The following PTPRD variants were observed in gnomAD, a reference collection of about 807,000 sequenced individuals.
PTPRD encodes the protein receptor-type tyrosine-protein phosphatase delta.
In PTPRD, 34 loss-of-function variants were observed where a neutral mutation model predicts 214.5. The observed-to-expected ratio is 0.16, with a 90% confidence interval of 0.12 to 0.21. The LOEUF (loss-of-function observed/expected upper bound fraction) is 0.21. Ranked by LOEUF, PTPRD falls within the 10% of genes least tolerant of loss-of-function variation. The pLI is 1.00. For synonymous variants in PTPRD, 1,128 were observed against 845.7 expected, an observed-to-expected ratio of 1.33 and a Z score of -5.79; for missense variants, 2,545 against 2,398.7, an observed-to-expected ratio of 1.06 and a Z score of -1.27.
At chr9:8,814,674 T>C (rs1388342363) in intron 11 of PTPRD, among the ~76,000 whole-genome samples, 2 of 152,158 alleles carry the variant, frequency 1.3e-5, no homozygotes, top group Admixed American at 1.3e-4. Context: ...ATCTGTGACG[T>C]AGATTATGCG....
At chr9:8,615,630 C>T (rs1024901778) in intron 14 of PTPRD, among the ~76,000 whole-genome samples, 3 of 152,002 alleles carry the variant, frequency 2.0e-5, no homozygotes, top group African/African-American at 4.8e-5. Flanking sequence ...AAGTGAATTT[C>T]GTACACATAA....
chr9:9,464,457 C>A (rs1040360071), intron 8 of PTPRD, among the ~76,000 whole-genome samples: 37 of 152,150 alleles, frequency 2.4e-4, no homozygotes, highest in African/African-American at 8.4e-4. Flanking sequence ...TTATCATTAA[C>A]TCTTGCCTAA....
intron 11 of PTPRD, among the ~76,000 whole-genome samples, chr9:8,867,545 T>G (rs1159827052): frequency 6.6e-6 from 1 of 152,166 alleles, no homozygotes; most frequent in African/African-American, 2.4e-5. Context: ...TATTTTTTCC[T>G]TTTCCTTTTT....
In PTPRD at chr9:8,921,094, G is replaced by A. The variant is rs953480330; in HGVS notation, c.-104+97603C>T. ...CTCCCAAAGTGTTGGGATTACAGGC[G>A]TGAACCACCGCGTCTGGCCGAAGTT... On this transcript the variant is annotated intron_variant, in intron 11 of 45. Transcript: ENST00000381196. Among the ~76,000 whole-genome samples, 13 of 152,294 alleles carry A rather than the reference G, an allele frequency of 8.5e-5. No homozygotes were observed. In the East Asian group the frequency reaches 1.9e-3, roughly 23 times the overall value.
At chr9:8,557,982 C>T (rs146207286) in intron 14 of PTPRD, among the ~76,000 whole-genome samples, 1,643 of 151,838 alleles carry the variant, frequency 0.011, 10 homozygotes, top group Non-Finnish European at 0.015. Flanking sequence ...TTAGAGAACG[C>T]TTTATTAACT....
At chr9:8,883,346 G>A (rs566964411) in intron 11 of PTPRD, among the ~76,000 whole-genome samples, 66 of 152,292 alleles carry the variant, frequency 4.3e-4, no homozygotes, top group African/African-American at 1.6e-3. Context: ...AGTAGAGAGA[G>A]GTGATTTCTT....
At chr9:8,481,152 A>T (rs1034207749) in intron 30 of PTPRD, among the ~76,000 whole-genome samples, 2 of 151,312 alleles carry the variant, frequency 1.3e-5, no homozygotes, top group Admixed American at 6.6e-5. Context: ...AAAAAAAAAA[A>T]AAAAAAAAAA....
intron 5 of PTPRD, among the ~76,000 whole-genome samples, chr9:9,921,924 T>C (rs2082661066): frequency 6.6e-6 from 1 of 152,138 alleles, no homozygotes; most frequent in Admixed American, 6.6e-5. Flanking sequence ...GATTATCACA[T>C]ATTCAGTAAG....
intron 14 of PTPRD, among the ~76,000 whole-genome samples, chr9:8,610,008 G>T (rs549130064): frequency 6.6e-6 from 1 of 152,276 alleles, no homozygotes; most frequent in East Asian, 1.9e-4. Context: ...TATTAGTAAA[G>T]TGGGAGAACT....
At chr9:10,239,787 C>G (rs2099641205) in intron 3 of PTPRD, among the ~76,000 whole-genome samples, 2 of 151,996 alleles carry the variant, frequency 1.3e-5, no homozygotes, top group South Asian at 4.1e-4. Flanking sequence ...AAGAAGCAGC[C>G]TCAGAAGCAG....
chr9:9,456,329 T>C (rs1373393206), intron 8 of PTPRD, among the ~76,000 whole-genome samples: 1 of 151,834 alleles, frequency 6.6e-6, no homozygotes, highest in Non-Finnish European at 1.5e-5. Context: ...TTCCAGGTAT[T>C]GATTAGGAAT....
chr9:9,409,221 A>G (rs982620037), intron 8 of PTPRD, among the ~76,000 whole-genome samples: 1 of 151,988 alleles, frequency 6.6e-6, no homozygotes, highest in Non-Finnish European at 1.5e-5. Flanking sequence ...GTATTCTATG[A>G]TAATATTTTA....
Position 10,346,468 on chromosome 9 carries a change from C to T in PTPRD, c.-599-5451G>A, listed in dbSNP as rs372459770. On this transcript the variant is annotated intron_variant, in intron 2 of 45. Coordinates refer to ENST00000381196, the MANE Select transcript of PTPRD (RefSeq NM_002839.4). ...AAAAATTATATAAGAATATATGATACAGTAATTTAATAATTTAATATCAAA... is the reference window on the plus strand; with the variant it reads ...AAAAATTATATAAGAATATATGATATAGTAATTTAATAATTTAATATCAAA... Among the ~76,000 whole-genome samples the T allele has an allele frequency of 1.1e-3, 167 of 152,170 alleles. 3 individuals are homozygous for T. In the South Asian group the frequency reaches 0.022, roughly 20 times the overall value.
At chr9:9,907,519 T>A (rs1238173659) in intron 5 of PTPRD, among the ~76,000 whole-genome samples, 1 of 151,996 alleles carries the variant, frequency 6.6e-6, no homozygotes, top group African/African-American at 2.4e-5. Context: ...TGTACACATA[T>A]CACTGATGTC....
Position 8,484,128 on chromosome 9 carries a change from T to C in PTPRD, c.3404A>G (p.Glu1135Gly), listed in dbSNP as rs762770294. The C allele has an allele frequency of 6.2e-7, 1 of 1,613,508 alleles. No individual in the cohort carries two copies. Among genetic ancestry groups the C allele is most frequent in the Non-Finnish European group, 8.5e-7 (1 of 1,179,494 alleles). Residue 1135 changes from glutamate to glycine, a missense_variant, in exon 30 of 46, where the codon GAG becomes GGG. Physicochemically the swap from Glu to Gly is moderately conservative, Grantham distance 98. Transcript: ENST00000381196. The stretch of plus-strand genomic sequence containing the variant: ...CCTTCAATCAACTTACTTTATATTC[T>C]CATTTGCAGGTACTTCAGGCAGTTG... ...TVQLPEVPAN[E>G]NIKGYYIIIV... is the part of the protein sequence containing the mutation.
At chr9:9,233,084 A>G (rs909671635) in intron 9 of PTPRD, among the ~76,000 whole-genome samples, 1 of 152,112 alleles carries the variant, frequency 6.6e-6, no homozygotes, top group African/African-American at 2.4e-5. Flanking sequence ...CAGAGGCTGT[A>G]TTAGTTTGTT....
intron 3 of PTPRD, among the ~76,000 whole-genome samples, chr9:10,206,227 T>C (rs1052173732): frequency 5.3e-5 from 8 of 152,076 alleles, no homozygotes; most frequent in African/African-American, 1.9e-4. Flanking sequence ...TCTGGGAAAC[T>C]CAAAGAGGCT....
At position 9,503,765 on chromosome 9, in the gene PTPRD, A is replaced by T. The variant is rs900968513; in HGVS notation, c.-237+70967T>A. On this transcript the variant is annotated intron_variant, in intron 8 of 45. Transcript: ENST00000381196. ...GAGAAGGGAGGGCCCTCACACACAC[A>T]TGCCTATGATTTTACAAAGGCTCTC... 2.0e-5 allele frequency among the ~76,000 whole-genome samples: 3 copies of T among 151,732 alleles called. No individual in the cohort carries two copies. The South Asian group carries it at 6.2e-4, about 31-fold the overall frequency.
chr9:10,089,170 C>A (rs2098399101), intron 3 of PTPRD, among the ~76,000 whole-genome samples: 2 of 149,752 alleles, frequency 1.3e-5, no homozygotes, highest in Admixed American at 1.3e-4. Context: ...TAGTGCCAAG[C>A]ATCACAGCCT....
Sources: allele counts gnomAD v4.1 joint callset (sites outside exome capture counted in the v4.1 genomes callset), GRCh38; gene constraint gnomAD v4.1.1; transcripts MANE v1.5; gene names NCBI Gene and HGNC (gene_info 2026-07-23, HGNC 2026-07-21).